The following DCDC1 variants were observed in gnomAD, a reference collection of about 807,000 sequenced individuals.
The protein encoded by DCDC1 is doublecortin domain containing 1, also known as doublecortin domain-containing protein 1.
A neutral mutation model predicts 178.3 loss-of-function variants in DCDC1; 200 were observed. The ratio of observed to expected loss-of-function variants is 1.12; its 90% CI spans 1.00 to 1.26. DCDC1 has a LOEUF of 1.26. Among genes scored for constraint, DCDC1 ranks in the 50% most tolerant of loss-of-function variants. DCDC1 has a pLI of 0.00. For missense variants in DCDC1, 1,983 were observed against 1,749.2 expected (o/e 1.13, Z -2.38); for synonymous variants, 690 against 604.8 (o/e 1.14, Z -2.07).
At chr11:31,273,946 C>T (rs983461012) in intron 7 of DCDC1, among the ~76,000 whole-genome samples, 1 of 152,028 alleles carries the variant, frequency 6.6e-6, no homozygotes, top group African/African-American at 2.4e-5. Context: ...CATCAGATCG[C>T]ATGAGACTAA....
At chr11:31,359,608 C>T (rs1297100299) in intron 1 of DCDC1, among the ~76,000 whole-genome samples, 2 of 152,116 alleles carry the variant, frequency 1.3e-5, no homozygotes, top group East Asian at 3.9e-4. Flanking sequence ...AAGAAAATGT[C>T]CCTGTAGCTT....
chr11:31,064,720 T>C, intron 19 of DCDC1, 94 bp from the exon 20 acceptor site: 2 of 684,554 alleles, frequency 2.9e-6, no homozygotes, highest in South Asian at 3.3e-5. Context: ...GCAGTTTTCA[T>C]GGTGCCTTCA....
chr11:31,309,142 T>TGTTG (rs1555173338), intron 3 of DCDC1, among the ~76,000 whole-genome samples: 4 of 147,958 alleles, frequency 2.7e-5, no homozygotes, highest in African/African-American at 1.0e-4. Flanking sequence ...AAATAGATGT[T>TGTTG]TGTGTGTGTG....
At chr11:31,310,867 G>T (rs1948732087) in intron 3 of DCDC1, among the ~76,000 whole-genome samples, 1 of 152,130 alleles carries the variant, frequency 6.6e-6, no homozygotes, top group Non-Finnish European at 1.5e-5. Context: ...AGAAAGTTAT[G>T]AAAGTAAATA....
chr11:31,038,041 A>G (rs1954189362), intron 20 of DCDC1, among the ~76,000 whole-genome samples: 1 of 115,938 alleles, frequency 8.6e-6, no homozygotes, highest in Non-Finnish European at 1.6e-5. Flanking sequence ...CCAGCTTCAC[A>G]GGAAGGGGAA....
intron 20 of DCDC1, among the ~76,000 whole-genome samples, chr11:31,009,811 A>G (rs1369248248): frequency 6.6e-6 from 1 of 152,186 alleles, no homozygotes; most frequent in Non-Finnish European, 1.5e-5. Flanking sequence ...TAATTGACTC[A>G]CAGTTCCACA....
intron 9 of DCDC1, among the ~76,000 whole-genome samples, chr11:31,199,586 C>A (rs771556755): frequency 2.6e-5 from 4 of 152,116 alleles, no homozygotes; most frequent in Non-Finnish European, 5.9e-5. Context: ...GAGAATGTCT[C>A]TGACTTTTGA....
chr11:31,329,654 G>C (rs565596598), intron 2 of DCDC1, among the ~76,000 whole-genome samples: 1 of 152,190 alleles, frequency 6.6e-6, no homozygotes, highest in South Asian at 2.1e-4. Context: ...GCTGTGTCTG[G>C]TTTTCTGTCC....
At chr11:31,174,321 A>C (rs535321398) in intron 9 of DCDC1, among the ~76,000 whole-genome samples, 3 of 152,194 alleles carry the variant, frequency 2.0e-5, no homozygotes, top group Non-Finnish European at 4.4e-5. Context: ...GCATTGTCGC[A>C]ACCTGGCTGG....
At chr11:31,108,402 A>T (rs1489130709) in intron 12 of DCDC1, among the ~76,000 whole-genome samples, 3 of 152,190 alleles carry the variant, frequency 2.0e-5, no homozygotes, top group Non-Finnish European at 4.4e-5. Flanking sequence ...AAATCTATAG[A>T]TTGTATTTCT....
At chr11:30,997,863 C>A (rs1951353575) in intron 20 of DCDC1, among the ~76,000 whole-genome samples, 1 of 151,994 alleles carries the variant, frequency 6.6e-6, no homozygotes, top group African/African-American at 2.4e-5. Flanking sequence ...ACCTTGGTTT[C>A]TAAATAGCCT....
chr11:31,268,249 A>G (rs1408649288), intron 7 of DCDC1, among the ~76,000 whole-genome samples: 3 of 152,212 alleles, frequency 2.0e-5, no homozygotes, highest in South Asian at 4.1e-4. Flanking sequence ...CAATTTACCA[A>G]TTAAACTAAG....
At chr11:31,304,850 C>A (rs1372223284) in intron 6 of DCDC1, among the ~76,000 whole-genome samples, 2 of 152,058 alleles carry the variant, frequency 1.3e-5, no homozygotes, top group African/African-American at 4.8e-5. Context: ...TATTTAAATC[C>A]AATTATCATA....
chr11:31,231,983 C>G (rs968772910), intron 9 of DCDC1, among the ~76,000 whole-genome samples: 1 of 152,164 alleles, frequency 6.6e-6, no homozygotes, highest in Non-Finnish European at 1.5e-5. Flanking sequence ...ACTTGCTTTC[C>G]CCATCCACAC....
chr11:30,901,214 C>T (rs1451860680), intron 32 of DCDC1, among the ~76,000 whole-genome samples: 3 of 151,968 alleles, frequency 2.0e-5, no homozygotes, highest in African/African-American at 7.2e-5. Context: ...AGAGCCTATT[C>T]GTGATATAGC....
chr11:31,159,522 G>T (rs1326908525), intron 9 of DCDC1, among the ~76,000 whole-genome samples: 2 of 152,074 alleles, frequency 1.3e-5, no homozygotes, highest in African/African-American at 4.8e-5. Flanking sequence ...CTAATGCATG[G>T]TCTGTATTTG....
intron 20 of DCDC1, among the ~76,000 whole-genome samples, chr11:30,997,551 A>C (rs997063623): frequency 6.6e-6 from 1 of 152,196 alleles, no homozygotes; most frequent in Non-Finnish European, 1.5e-5. Flanking sequence ...ATTGTATATA[A>C]GTATTGTATG....
chr11:31,219,428 T>C (rs918549460), intron 9 of DCDC1, among the ~76,000 whole-genome samples: 1 of 152,144 alleles, frequency 6.6e-6, no homozygotes, highest in Non-Finnish European at 1.5e-5. Context: ...GTCTGCTGAA[T>C]ATAAACATGA....
At chr11:31,129,281 AT>A (rs1418361679) in intron 10 of DCDC1, among the ~76,000 whole-genome samples, 1 of 152,180 alleles carries the variant, frequency 6.6e-6, no homozygotes, top group African/African-American at 2.4e-5. Context: ...TGTTACATGC[AT>A]AGAAACAAGT....
Sources: gnomAD v4.1 joint callset for allele counts (sites outside exome capture counted in the v4.1 genomes callset) on GRCh38, gnomAD v4.1.1 for gene constraint, MANE v1.5 for transcripts, NCBI Gene and HGNC (gene_info 2026-07-23, HGNC 2026-07-21) for gene names.